Variants in MMP16 observed in about 807,000 individuals in gnomAD.
MMP16 encodes the protein matrix metalloproteinase-16.
Under a neutral mutation model 67.8 loss-of-function variants are expected in MMP16, and 12 were observed. The ratio of observed to expected loss-of-function variants is 0.18; its 90% confidence interval spans 0.11 to 0.29. The LOEUF (loss-of-function observed/expected upper bound fraction) is 0.29, where lower values mean the gene tolerates loss of function less well. Ranked by LOEUF, MMP16 falls within the 10% of genes least tolerant of loss-of-function variation. The pLI is 1.00. For missense variants in MMP16, 475 were observed against 765.7 expected (o/e 0.62, Z 4.48); for synonymous variants, 249 against 255.9 (o/e 0.97, Z 0.26).
intron 6 of MMP16, among the ~76,000 whole-genome samples, chr8:88,110,396 C>T (rs895905249): frequency 2.0e-5 from 3 of 151,518 alleles, no homozygotes; most frequent in Admixed American, 6.6e-5. Flanking sequence ...ATTCCAGTTG[C>T]TCCCTAAAAT....
At chr8:88,130,274 C>T (rs577857411) in intron 4 of MMP16, among the ~76,000 whole-genome samples, 203 of 151,836 alleles carry the variant, frequency 1.3e-3, no homozygotes, top group Non-Finnish European at 2.3e-3. Flanking sequence ...TTAAAATAGA[C>T]GTGTACATGG....
At chr8:88,232,653 T>C (rs1298968545) in intron 1 of MMP16, among the ~76,000 whole-genome samples, 6 of 152,192 alleles carry the variant, frequency 3.9e-5, no homozygotes, top group African/African-American at 2.4e-5. Context: ...GTGTTAAATA[T>C]ATGATTACTT....
intron 1 of MMP16, among the ~76,000 whole-genome samples, chr8:88,286,600 G>A (rs57136992): frequency 0.036 from 5,407 of 150,930 alleles, 324 homozygotes; most frequent in African/African-American, 0.12. Flanking sequence ...TTTTAAGATG[G>A]AGTCTGGCTC....
chr8:88,073,702 G>A (rs1808600453), intron 7 of MMP16, among the ~76,000 whole-genome samples: 1 of 152,038 alleles, frequency 6.6e-6, no homozygotes, highest in African/African-American at 2.4e-5. Context: ...CTCACCAATT[G>A]CTATTGTAAG....
Position 88,056,191 on chromosome 8 carries a change from T to C in MMP16, c.1310A>G (p.His437Arg). 2 of 1,599,652 alleles carry C rather than the reference T, an allele frequency of 1.3e-6. No individual in the cohort carries two copies. The highest frequency in any genetic ancestry group is 1.7e-5 in the Admixed American group (1 of 58,316). Residue 437 changes from histidine to arginine, a missense_variant, in exon 8 of 10, where the codon CAT becomes CGT. Coordinates refer to ENST00000286614, the MANE Select transcript of MMP16 (RefSeq NM_005941.5). ...LITLGSGIPP[H>R]GIDSAIWWED... ...CCACCAAATGGCTGAATCAATACCA[T>C]GAGGGGGAATTCCACTTCCAAGGGT...
chr8:88,130,590 C>A (rs1028409007), intron 4 of MMP16, among the ~76,000 whole-genome samples: 7 of 151,504 alleles, frequency 4.6e-5, no homozygotes, highest in African/African-American at 1.7e-4. Flanking sequence ...AATATCTTGT[C>A]TTATTTTTAT....
At chr8:88,151,923 G>C (rs914739457) in intron 4 of MMP16, among the ~76,000 whole-genome samples, 1 of 85,324 alleles carries the variant, frequency 1.2e-5, no homozygotes, top group African/African-American at 5.7e-5. Context: ...ATGAATCCAG[G>C]AGCTGGTTTT....
intron 1 of MMP16, among the ~76,000 whole-genome samples, chr8:88,244,030 T>TG (rs869218073): frequency 3.7e-5 from 3 of 81,336 alleles, no homozygotes; most frequent in African/African-American, 1.3e-4. Flanking sequence ...AATAATGAAG[T>TG]TTTTTTTTTT....
intron 1 of MMP16, among the ~76,000 whole-genome samples, chr8:88,311,345 G>A (rs1811291362): frequency 6.6e-6 from 1 of 152,066 alleles, no homozygotes; most frequent in Non-Finnish European, 1.5e-5. Flanking sequence ...AAAACTTTCA[G>A]GAATCAAACA....
intron 6 of MMP16, among the ~76,000 whole-genome samples, chr8:88,076,940 C>G (rs1348170002): frequency 4.6e-5 from 7 of 152,116 alleles, no homozygotes; most frequent in Admixed American, 4.6e-4. Context: ...AAAGCCCTTC[C>G]CATTGCTATA....
intron 1 of MMP16, among the ~76,000 whole-genome samples, chr8:88,217,214 G>C (rs1036060586): frequency 2.6e-5 from 4 of 152,022 alleles, no homozygotes; most frequent in East Asian, 3.9e-4. Context: ...AATAGATAAT[G>C]GTATTTAGAA....
chr8:88,288,791 A>G (rs1041697668), intron 1 of MMP16, among the ~76,000 whole-genome samples: 12 of 152,328 alleles, frequency 7.9e-5, no homozygotes, highest in Non-Finnish European at 1.6e-4. Flanking sequence ...ACTTTAGCTC[A>G]AGGAAATAAT....
At chr8:88,061,470 C>T (rs1487469125) in intron 7 of MMP16, among the ~76,000 whole-genome samples, 1 of 151,942 alleles carries the variant, frequency 6.6e-6, no homozygotes, top group Admixed American at 6.6e-5. Context: ...TTGGTTGTCC[C>T]TTTCAAGCAG....
chr8:88,114,294 C>G (rs116364948), intron 6 of MMP16, among the ~76,000 whole-genome samples: 1 of 151,600 alleles, frequency 6.6e-6, no homozygotes, highest in African/African-American at 2.4e-5. Context: ...TCCCTCCATA[C>G]GCAAACTTAT....
chr8:88,106,109 G>A (rs1809236747), intron 6 of MMP16, among the ~76,000 whole-genome samples: 1 of 149,294 alleles, frequency 6.7e-6, no homozygotes, highest in African/African-American at 2.5e-5. Flanking sequence ...CACCTAAATT[G>A]TAGATTTCAC....
chr8:88,184,909 T>C (rs1809049804), intron 3 of MMP16, among the ~76,000 whole-genome samples: 1 of 152,048 alleles, frequency 6.6e-6, no homozygotes, highest in Non-Finnish European at 1.5e-5. Context: ...ATGTTCCATA[T>C]GAACTTATTG....
chr8:88,052,592 C>T (rs569054090), intron 8 of MMP16, among the ~76,000 whole-genome samples: 2 of 152,300 alleles, frequency 1.3e-5, no homozygotes, highest in African/African-American at 4.8e-5. Context: ...ATGCCTCTTC[C>T]TTGTACTTAG....
At chr8:88,247,085 T>G (rs985596365) in intron 1 of MMP16, among the ~76,000 whole-genome samples, 3 of 152,110 alleles carry the variant, frequency 2.0e-5, no homozygotes, top group African/African-American at 7.2e-5. Context: ...AGAATAAAGA[T>G]AACCAATAGC....
intron 4 of MMP16, among the ~76,000 whole-genome samples, chr8:88,160,240 C>T (rs57861739): frequency 1.6e-4 from 24 of 151,864 alleles, no homozygotes; most frequent in African/African-American, 5.6e-4. Context: ...TTTGTCCTTG[C>T]GATAGTTTAC....
Sources: gnomAD v4.1 joint callset for allele counts (sites outside exome capture counted in the v4.1 genomes callset) on GRCh38, gnomAD v4.1.1 for gene constraint, MANE v1.5 for transcripts, NCBI Gene and HGNC (gene_info 2026-07-23, HGNC 2026-07-21) for gene names.